Variants in MAPK10 observed in about 807,000 individuals in gnomAD.
MAPK10 encodes the protein mitogen-activated protein kinase 10, also known as JNK3 alpha protein kinase.
Under a neutral mutation model 59.3 loss-of-function variants are expected in MAPK10, and 25 were observed. The ratio of observed to expected loss-of-function variants is 0.42; its 90% CI spans 0.31 to 0.59. The LOEUF is 0.59. MAPK10 is among the 20% of genes least tolerant of loss of function. The pLI, the probability that MAPK10 is intolerant of heterozygous loss-of-function variation, is 0.15. For missense variants in MAPK10, 351 were observed against 568.9 expected (o/e 0.62, Z 3.90); for synonymous variants, 190 against 200.5 (o/e 0.95, Z 0.44).
intron 1 of MAPK10, among the ~76,000 whole-genome samples, chr4:86,436,311 T>G (rs1413817631): frequency 6.6e-6 from 1 of 152,208 alleles, no homozygotes; most frequent in Non-Finnish European, 1.5e-5. Flanking sequence ...TTTTATGTTT[T>G]TATTGATTTT....
intron 3 of MAPK10, among the ~76,000 whole-genome samples, chr4:86,171,327 G>T (rs1057444913): frequency 6.6e-6 from 1 of 152,118 alleles, no homozygotes. Context: ...TAGACTGCTA[G>T]CAAGATTAAT....
chr4:86,352,556 T>C (rs1018018555), intron 2 of MAPK10, among the ~76,000 whole-genome samples: 4 of 152,046 alleles, frequency 2.6e-5, no homozygotes, highest in African/African-American at 9.7e-5. Flanking sequence ...AAAAGCAAGG[T>C]AATGTGCATG....
At chr4:86,513,717 T>A (rs931808530) in intron 1 of MAPK10, among the ~76,000 whole-genome samples, 21 of 152,194 alleles carry the variant, frequency 1.4e-4, no homozygotes, top group Admixed American at 9.2e-4. Flanking sequence ...ATTAATTTAC[T>A]TTGCATTTTC....
At chr4:86,315,038 T>C (rs954488443) in intron 2 of MAPK10, among the ~76,000 whole-genome samples, 1 of 152,172 alleles carries the variant, frequency 6.6e-6, no homozygotes, top group Non-Finnish European at 1.5e-5. Context: ...TTTGCTATTA[T>C]ACATTACAAT....
At chr4:86,547,031 G>T (rs940202086) in intron 1 of MAPK10, among the ~76,000 whole-genome samples, 3 of 152,142 alleles carry the variant, frequency 2.0e-5, no homozygotes, top group Non-Finnish European at 4.4e-5. Context: ...CAGCCTGGGC[G>T]ACAGAGCGAG....
chr4:86,335,385 A>T (rs1296818298), intron 2 of MAPK10, among the ~76,000 whole-genome samples: 3 of 152,244 alleles, frequency 2.0e-5, no homozygotes, highest in African/African-American at 7.2e-5. Flanking sequence ...ATAATTTTTT[A>T]AATTTAAAAT....
chr4:86,111,408 C>T (rs1316791475), intron 4 of MAPK10, among the ~76,000 whole-genome samples: 1 of 152,082 alleles, frequency 6.6e-6, no homozygotes, highest in African/African-American at 2.4e-5. Flanking sequence ...TCCTTCAATA[C>T]CTAGTTTATT....
At chr4:86,181,179 A>G (rs2076860876) in intron 3 of MAPK10, among the ~76,000 whole-genome samples, 2 of 152,118 alleles carry the variant, frequency 1.3e-5, no homozygotes, top group African/African-American at 4.8e-5. Flanking sequence ...AAACTAATAA[A>G]TTAGAAAAAT....
intron 2 of MAPK10, among the ~76,000 whole-genome samples, chr4:86,306,153 G>GT (rs1398017241): frequency 6.6e-6 from 1 of 152,114 alleles, no homozygotes; most frequent in Non-Finnish European, 1.5e-5. Context: ...AAATATTAAT[G>GT]TAAGTAGCCA....
intron 4 of MAPK10, chr4:86,125,415 T>G (rs184525399): frequency 1.8e-4 from 28 of 152,180 alleles, no homozygotes; most frequent in Admixed American, 1.0e-3. Context: ...AATGTTTGTT[T>G]AAAACAATTT....
At chr4:86,200,965 C>G (rs556336213) in intron 2 of MAPK10, among the ~76,000 whole-genome samples, 7 of 151,942 alleles carry the variant, frequency 4.6e-5, no homozygotes, top group Admixed American at 4.6e-4. Flanking sequence ...GATTATATTT[C>G]AGTACCCATT....
intron 1 of MAPK10, among the ~76,000 whole-genome samples, chr4:86,491,835 G>GGT (rs1040459697): frequency 3.3e-5 from 5 of 151,898 alleles, no homozygotes; most frequent in African/African-American, 7.3e-5. Context: ...AAAGAAAACT[G>GGT]GTGTGTGTGT....
intron 3 of MAPK10, among the ~76,000 whole-genome samples, chr4:86,177,033 G>A (rs148045055): frequency 3.5e-4 from 53 of 152,116 alleles, no homozygotes; most frequent in African/African-American, 1.3e-3. Context: ...ATTAAAAGGA[G>A]AAGGTAAAGT....
chr4:86,579,718 C>G (rs910407982), intron 1 of MAPK10, among the ~76,000 whole-genome samples: 3 of 152,132 alleles, frequency 2.0e-5, no homozygotes, highest in Non-Finnish European at 4.4e-5. Context: ...AAAATATTAA[C>G]CACCATAATA....
rs563960065 is a variant in MAPK10, at chr4:86,458,467, C to CA, written c.-262-103824dup. Among the ~76,000 whole-genome samples, 88 of 144,952 alleles carry CA rather than the reference C, an allele frequency of 6.1e-4. 1 individual carries two copies. In the Middle Eastern group the frequency reaches 0.01, roughly 17 times the overall value. On this transcript the variant is annotated intron_variant, in intron 1 of 4. Transcript: ENST00000502302. ...ACAGAGCGAAACTCCATCTCAAAAA[C>CA]AAAAAAAAAAGAACAAATCTGGACG... is the stretch of plus-strand genomic sequence containing the variant.
chr4:86,552,873 C>T (rs1217119783), intron 1 of MAPK10, among the ~76,000 whole-genome samples: 1 of 152,124 alleles, frequency 6.6e-6, no homozygotes, highest in Non-Finnish European at 1.5e-5. Flanking sequence ...AGCAGTGATA[C>T]TAACCCACTG....
At chr4:86,137,212 C>T (rs1010498778) in intron 4 of MAPK10, among the ~76,000 whole-genome samples, 2 of 151,878 alleles carry the variant, frequency 1.3e-5, no homozygotes, top group Non-Finnish European at 2.9e-5. Context: ...AACTCACCAC[C>T]CCTAATCAAC....
At chr4:86,224,594 G>A (rs964762944) in intron 2 of MAPK10, among the ~76,000 whole-genome samples, 1 of 152,146 alleles carries the variant, frequency 6.6e-6, no homozygotes, top group Non-Finnish European at 1.5e-5. Flanking sequence ...ATTACACCGG[G>A]TCAGTATGAG....
chr4:86,334,956 C>T (rs1356602394), intron 2 of MAPK10: 1 of 89,120 alleles, frequency 1.1e-5, no homozygotes, highest in African/African-American at 3.3e-5. Context: ...TAGTCTTTCA[C>T]ATGTATGTTA....
Sources: gnomAD v4.1 joint callset for allele counts (sites outside exome capture counted in the v4.1 genomes callset) on GRCh38, gnomAD v4.1.1 for gene constraint, MANE v1.5 for transcripts, NCBI Gene and HGNC (gene_info 2026-07-23, HGNC 2026-07-21) for gene names.